CSMD1: variants seen among roughly 807,000 people sequenced by gnomAD.
CSMD1 encodes CUB and sushi domain-containing protein 1.
In CSMD1, 213 loss-of-function variants were observed where a neutral mutation model predicts 417.5. The ratio of observed to expected loss-of-function variants is 0.51; its 90% CI spans 0.46 to 0.57. The LOEUF (loss-of-function observed/expected upper bound fraction) is 0.57. Among genes scored for constraint, CSMD1 ranks in the 20% least tolerant of loss-of-function variants. The pLI, the probability that CSMD1 is intolerant of heterozygous loss-of-function variation, is 0.00. For missense variants in CSMD1, 6,923 were observed against 4,529.7 expected, an observed-to-expected ratio of 1.53 and a Z score of -15.17; for synonymous variants, 2,862 against 1,736.8, an observed-to-expected ratio of 1.65 and a Z score of -16.11.
chr8:4,517,852 G>C (rs1032132843), intron 2 of CSMD1, among the ~76,000 whole-genome samples: 3 of 152,166 alleles, frequency 2.0e-5, no homozygotes, highest in Non-Finnish European at 4.4e-5. Flanking sequence ...AGATGCAAAA[G>C]CCACACGTAT....
chr8:3,056,872 T>C (rs1226711218), intron 49 of CSMD1, among the ~76,000 whole-genome samples: 1 of 152,038 alleles, frequency 6.6e-6, no homozygotes, highest in African/African-American at 2.4e-5. Context: ...TGTACACATA[T>C]AAATGCTAAT....
chr8:4,340,435 C>G (rs1221945833), intron 3 of CSMD1, among the ~76,000 whole-genome samples: 1 of 152,090 alleles, frequency 6.6e-6, no homozygotes, highest in Non-Finnish European at 1.5e-5. Flanking sequence ...CTCAATTAAG[C>G]TGCGCATTCC....
At chr8:3,472,235 G>T (rs1317810337) in intron 11 of CSMD1, among the ~76,000 whole-genome samples, 2 of 151,908 alleles carry the variant, frequency 1.3e-5, no homozygotes. Context: ...TGAAATCACT[G>T]GTCATACCTT....
intron 1 of CSMD1, among the ~76,000 whole-genome samples, chr8:4,845,980 G>T (rs1385001034): frequency 6.6e-6 from 1 of 152,128 alleles, no homozygotes; most frequent in East Asian, 1.9e-4. Flanking sequence ...CTATAAATTT[G>T]CTGAGTCAGA....
intron 3 of CSMD1, among the ~76,000 whole-genome samples, chr8:4,248,110 A>G (rs1196211872): frequency 6.6e-6 from 1 of 152,106 alleles, no homozygotes; most frequent in African/African-American, 2.4e-5. Flanking sequence ...GTATATTTCC[A>G]GTTTATTTTT....
At chr8:4,959,953 T>G (rs1006462320) in intron 1 of CSMD1, among the ~76,000 whole-genome samples, 6 of 152,174 alleles carry the variant, frequency 3.9e-5, no homozygotes, top group African/African-American at 1.4e-4. Flanking sequence ...TTACTCTCCT[T>G]AAAAATAGGA....
chr8:3,844,523 T>C (rs547255272), intron 5 of CSMD1, among the ~76,000 whole-genome samples: 217 of 152,338 alleles, frequency 1.4e-3, no homozygotes, highest in Non-Finnish European at 2.5e-3. Flanking sequence ...TCATCATCTT[T>C]TAGCAGAATT....
At chr8:4,802,337 A>G (rs1798338787) in intron 1 of CSMD1, among the ~76,000 whole-genome samples, 1 of 143,988 alleles carries the variant, frequency 6.9e-6, no homozygotes, top group African/African-American at 2.8e-5. Context: ...AACAAGCAAA[A>G]TGAGTGTGTG....
intron 65 of CSMD1, among the ~76,000 whole-genome samples, chr8:2,952,277 C>A (rs1187037091): frequency 6.6e-6 from 1 of 152,148 alleles, no homozygotes; most frequent in African/African-American, 2.4e-5. Flanking sequence ...TCATGTCTCC[C>A]TAACCCATTT....
chr8:3,496,873 G>C (rs1011314966), intron 10 of CSMD1, among the ~76,000 whole-genome samples: 1 of 152,076 alleles, frequency 6.6e-6, no homozygotes, highest in Non-Finnish European at 1.5e-5. Context: ...TTTCTTTATA[G>C]ACCCATTGGC....
chr8:3,026,555 TTCACTGGACCTCACCGGACC>T (rs1055330242), intron 51 of CSMD1, among the ~76,000 whole-genome samples: 20 of 127,886 alleles, frequency 1.6e-4, no homozygotes, highest in Non-Finnish European at 1.4e-4. Context: ...CCTCACTGAC[TTCACTGGACCTCACCGGACC>T]TCACTGGGCT....
intron 6 of CSMD1, among the ~76,000 whole-genome samples, chr8:3,735,506 G>C (rs982262360): frequency 6.6e-6 from 1 of 152,186 alleles, no homozygotes; most frequent in Non-Finnish European, 1.5e-5. Flanking sequence ...CTGTGTATTA[G>C]CTACTGATTC....
intron 1 of CSMD1, among the ~76,000 whole-genome samples, chr8:4,837,152 A>G (rs930398049): frequency 2.6e-5 from 4 of 152,174 alleles, no homozygotes; most frequent in Non-Finnish European, 4.4e-5. Flanking sequence ...TCTAAATTGA[A>G]AAGACACTAA....
At chr8:3,083,610 T>TTATATTTATA (rs1563320356) in intron 49 of CSMD1, among the ~76,000 whole-genome samples, 1 of 30,932 alleles carries the variant, frequency 3.2e-5, no homozygotes, top group Non-Finnish European at 5.4e-5. Context: ...ACCATAATTT[T>TTATATTTATA]TATATATATA....
At chr8:4,377,600 T>A (rs948224264) in intron 3 of CSMD1, among the ~76,000 whole-genome samples, 1 of 152,196 alleles carries the variant, frequency 6.6e-6, no homozygotes, top group East Asian at 1.9e-4. Context: ...TCTCAAAGCC[T>A]CAATTTTATG....
Position 4,847,158 on chromosome 8 carries a change from CT to C in CSMD1, c.85+147173del, listed in dbSNP as rs1801191774. Among the ~76,000 whole-genome samples the C allele has an allele frequency of 2.6e-5, 4 of 152,260 alleles. No individual in the cohort carries two copies. The South Asian group carries it at 6.2e-4, about 24-fold the overall frequency. On this transcript the variant is annotated intron_variant, in intron 1 of 69. Coordinates refer to ENST00000635120, the MANE Select transcript of CSMD1 (RefSeq NM_033225.6). ...CTTCTTTGTTTCTGAATGCCACTCT[CT>C]CGTAAGTCACTCTCTTTTTGCATGC...
chr8:3,774,939 G>A (rs1051882411), intron 5 of CSMD1, among the ~76,000 whole-genome samples: 1 of 152,026 alleles, frequency 6.6e-6, no homozygotes, highest in Admixed American at 6.6e-5. Context: ...ACTGACCAGC[G>A]AGACGGGAAA....
chr8:4,149,451 A>T (rs998556850), intron 3 of CSMD1, among the ~76,000 whole-genome samples: 1 of 152,208 alleles, frequency 6.6e-6, no homozygotes, highest in African/African-American at 2.4e-5. Flanking sequence ...AAGGGCCAAT[A>T]AAAGGAAATC....
intron 46 of CSMD1, among the ~76,000 whole-genome samples, chr8:3,099,397 G>A (rs1299641697): frequency 2.6e-5 from 4 of 152,120 alleles, no homozygotes; most frequent in African/African-American, 9.7e-5. Context: ...TGCCTCTTCT[G>A]TCTGTGGTGG....
Sources: allele counts gnomAD v4.1 joint callset (sites outside exome capture counted in the v4.1 genomes callset), GRCh38; gene constraint gnomAD v4.1.1; transcripts MANE v1.5; gene names NCBI Gene and HGNC (gene_info 2026-07-23, HGNC 2026-07-21).